Variants in FAM168A observed in about 807,000 individuals in gnomAD.
FAM168A encodes protein FAM168A.
FAM168A carries 3 observed loss-of-function variants against 28.5 expected under a neutral mutation model. The ratio of observed to expected loss-of-function variants is 0.11; its 90% CI spans 0.05 to 0.27. The LOEUF (loss-of-function observed/expected upper bound fraction) is 0.27, where lower values mean the gene tolerates loss of function less well. FAM168A is among the 10% of genes least tolerant of loss of function. The pLI, the probability that FAM168A is intolerant of heterozygous loss-of-function variation, is 1.00. For synonymous variants in FAM168A, 122 were observed against 124.2 expected (o/e 0.98, Z 0.12); for missense variants, 222 against 311.5 (o/e 0.71, Z 2.16).
At chr11:73,437,991 T>C (rs984777281) in intron 2 of FAM168A, among the ~76,000 whole-genome samples, 1 of 152,160 alleles carries the variant, frequency 6.6e-6, no homozygotes, top group African/African-American at 2.4e-5. Context: ...GCCTCGTTGA[T>C]TCCTCTGCTG....
At chr11:73,556,042 A>T (rs1170574773) in intron 1 of FAM168A, among the ~76,000 whole-genome samples, 2 of 152,144 alleles carry the variant, frequency 1.3e-5, no homozygotes, top group African/African-American at 4.8e-5. Context: ...CAAAGACAAA[A>T]GAACAACAAA....
rs116602591 is a variant in FAM168A at position 73,455,194 on chromosome 11, C to T, written c.70+13211G>A. 5.1e-4 allele frequency among the ~76,000 whole-genome samples: 78 copies of T among 152,294 alleles called. 1 individual carries two copies. Among genetic ancestry groups the T allele is most frequent in the African/African-American group, 1.8e-3 (75 of 41,564 alleles). On this transcript the variant is annotated intron_variant, in intron 2 of 7. Transcript: ENST00000356467. ...ACTGATGCCAGAGCCCAAAAGTGGC[C>T]GGCTGGATCCTGTACTCACTTGCCT...
chr11:73,574,572 T>C (rs1243544239), intron 1 of FAM168A, among the ~76,000 whole-genome samples: 2 of 152,124 alleles, frequency 1.3e-5, no homozygotes, highest in African/African-American at 2.4e-5. Flanking sequence ...TTGGCCATCT[T>C]TTTTTCTGAG....
intron 1 of FAM168A, among the ~76,000 whole-genome samples, chr11:73,505,606 G>C (rs1855101430): frequency 6.6e-6 from 1 of 152,136 alleles, no homozygotes; most frequent in Non-Finnish European, 1.5e-5. Flanking sequence ...GAGAGTACCA[G>C]GACAGAAGTT....
intron 1 of FAM168A, among the ~76,000 whole-genome samples, chr11:73,504,869 C>G (rs1039856888): frequency 1.3e-5 from 2 of 152,114 alleles, no homozygotes; most frequent in African/African-American, 4.8e-5. Flanking sequence ...ATGGATGAAC[C>G]TGGGAGACAT....
intron 1 of FAM168A, among the ~76,000 whole-genome samples, chr11:73,572,926 T>C (rs537430218): frequency 6.6e-6 from 1 of 152,346 alleles, no homozygotes; most frequent in African/African-American, 2.4e-5. Context: ...TTTAGGTTGA[T>C]GTTCCACTTA....
At chr11:73,451,773 A>C (rs1867435138) in intron 2 of FAM168A, among the ~76,000 whole-genome samples, 1 of 152,252 alleles carries the variant, frequency 6.6e-6, no homozygotes, top group South Asian at 2.1e-4. Flanking sequence ...AGTACACTCC[A>C]TTATATTTGC....
intron 1 of FAM168A, among the ~76,000 whole-genome samples, chr11:73,495,012 A>AG (rs1175099120): frequency 2.0e-5 from 3 of 151,748 alleles, no homozygotes; most frequent in Non-Finnish European, 4.4e-5. Flanking sequence ...TCAAAAAAAA[A>AG]AGAAGAAAAA....
intron 3 of FAM168A, among the ~76,000 whole-genome samples, chr11:73,420,505 G>T (rs147654856): frequency 2.0e-4 from 31 of 152,304 alleles, no homozygotes; most frequent in African/African-American, 7.2e-4. Context: ...TCTTCTGAAG[G>T]GACTGAGCTG....
In FAM168A at chr11:73,409,765, C is replaced by A. The variant is rs1183993029; in HGVS notation, c.421-104G>T. 10 of 1,168,364 alleles carry A rather than the reference C, an allele frequency of 8.6e-6. No homozygotes were observed. In the African/African-American group the frequency reaches 1.2e-4, roughly 14 times the overall value. The allele number at this position is 1,168,364 out of a possible 1,614,324, so 72.4% of individuals were successfully genotyped here. Reference sequence around the variant, plus strand: ...CACAAGGTCCGGACCCCAGCTGGGGCTCTGCTTGTCTTACTATGTGACTGT... The same window carrying A: ...CACAAGGTCCGGACCCCAGCTGGGGATCTGCTTGTCTTACTATGTGACTGT... On this transcript the variant is annotated intron_variant, in intron 5 of 7. Coordinates refer to ENST00000356467, the MANE Select transcript of FAM168A (RefSeq NM_015159.3).
At position 73,403,971 on chromosome 11, in the gene FAM168A, G is replaced by C. The variant is rs967880494; in HGVS notation, c.*2792C>G. 6.6e-6 allele frequency: 1 copy of C among 152,216 alleles called. No homozygotes were observed. Among genetic ancestry groups the C allele is most frequent in the African/African-American group, 2.4e-5 (1 of 41,452 alleles). The allele number at this position is 152,216 out of a possible 1,614,324, so 9.4% of individuals were successfully genotyped here. A position where few individuals can be genotyped will look rare whatever the true frequency, so the allele number is the denominator to read the frequency against. The stretch of plus-strand genomic sequence containing the variant: ...GTGTGGGGATCAGATGGAGGGGAAC[G>C]AGACAGCAGACAGCCTGGGATTCGA... On this transcript the variant is annotated 3_prime_UTR_variant, in exon 8 of 8. Coordinates refer to ENST00000356467, the MANE Select transcript of FAM168A (RefSeq NM_015159.3).
chr11:73,511,850 T>C (rs1855232716), intron 1 of FAM168A, among the ~76,000 whole-genome samples: 1 of 152,182 alleles, frequency 6.6e-6, no homozygotes, highest in South Asian at 2.1e-4. Flanking sequence ...GAGAAGCACA[T>C]TTCAGCCACT....
chr11:73,491,197 C>T (rs1868123601), intron 1 of FAM168A, among the ~76,000 whole-genome samples: 1 of 152,156 alleles, frequency 6.6e-6, no homozygotes, highest in Non-Finnish European at 1.5e-5. Flanking sequence ...AGGTTAGGAG[C>T]TGATGGGAGA....
intron 1 of FAM168A, among the ~76,000 whole-genome samples, chr11:73,528,469 C>T (rs915859092): frequency 2.0e-5 from 3 of 152,130 alleles, no homozygotes; most frequent in African/African-American, 7.2e-5. Flanking sequence ...AATCCTTTAT[C>T]ACAAACCCTT....
chr11:73,584,756 C>T (rs899518231), intron 1 of FAM168A, among the ~76,000 whole-genome samples: 26 of 151,802 alleles, frequency 1.7e-4, no homozygotes, highest in African/African-American at 2.9e-4. Flanking sequence ...GGATTACACG[C>T]GTGAGCCACC....
At chr11:73,588,876 G>C (rs1317796543) in intron 1 of FAM168A, among the ~76,000 whole-genome samples, 3 of 152,132 alleles carry the variant, frequency 2.0e-5, no homozygotes, top group Non-Finnish European at 4.4e-5. Flanking sequence ...GATGGAATGA[G>C]TGCCTTCAAA....
intron 6 of FAM168A, among the ~76,000 whole-genome samples, chr11:73,408,164 C>T (rs1565231993): frequency 6.6e-6 from 1 of 152,336 alleles, no homozygotes; most frequent in East Asian, 1.9e-4. Flanking sequence ...AGGCACCACG[C>T]CCGGCCTTCC....
chr11:73,462,880 G>A (rs539502683), intron 2 of FAM168A, among the ~76,000 whole-genome samples: 23 of 151,124 alleles, frequency 1.5e-4, no homozygotes, highest in Non-Finnish European at 2.8e-4. Context: ...GAGAAGAGAA[G>A]AGAGGAGAGG....
At chr11:73,546,020 T>A (rs1225769715) in intron 1 of FAM168A, among the ~76,000 whole-genome samples, 1 of 152,186 alleles carries the variant, frequency 6.6e-6, no homozygotes, top group African/African-American at 2.4e-5. Context: ...ACTACCTCAA[T>A]CTAGGGCTCT....
Sources: gnomAD v4.1 joint callset for allele counts (sites outside exome capture counted in the v4.1 genomes callset) on GRCh38, gnomAD v4.1.1 for gene constraint, MANE v1.5 for transcripts, NCBI Gene and HGNC (gene_info 2026-07-23, HGNC 2026-07-21) for gene names.